The following KIF24 variants were observed in gnomAD, a reference collection of about 807,000 sequenced individuals.
KIF24 encodes the protein kinesin family member 24, also known as kinesin-like protein KIF24.
Under a neutral mutation model 118.9 loss-of-function variants are expected in KIF24, and 81 were observed. That is an observed-to-expected ratio of 0.68 (90% CI 0.57 to 0.82). The LOEUF (loss-of-function observed/expected upper bound fraction) is 0.82, where lower values mean the gene tolerates loss of function less well. Ranked by LOEUF, KIF24 falls within the 40% of genes least tolerant of loss-of-function variation. KIF24 has a pLI of 0.00. For synonymous variants in KIF24, 599 were observed against 610.0 expected (o/e 0.98, Z 0.27); for missense variants, 1,560 against 1,661.6 (o/e 0.94, Z 1.06).
chr9:34,293,171 C>A (rs1836319903), intron 4 of KIF24, among the ~76,000 whole-genome samples: 1 of 152,038 alleles, frequency 6.6e-6, no homozygotes, highest in Non-Finnish European at 1.5e-5. Context: ...ATGAAGATAT[C>A]CAAATGGTCA....
chr9:34,288,848 CCACACACACACA>C (rs10537521), intron 5 of KIF24, among the ~76,000 whole-genome samples: 21,168 of 138,916 alleles, frequency 0.15, 1,834 homozygotes, highest in South Asian at 0.25. Flanking sequence ...CCCAAATAAA[CCACACACACACA>C]CACACACACA....
chr9:34,283,188 G>C (rs753447841), intron 6 of KIF24, among the ~76,000 whole-genome samples: 2 of 151,664 alleles, frequency 1.3e-5, no homozygotes, highest in African/African-American at 2.4e-5. Flanking sequence ...GCAACATGGT[G>C]AAACCCCATC....
In KIF24 at chr9:34,263,612, G is replaced by A. The variant is rs190060023; in HGVS notation, c.1444-440C>T. Among the ~76,000 whole-genome samples the A allele has an allele frequency of 2.2e-4, 33 of 152,240 alleles. 1 individual carries two copies. The South Asian group carries it at 3.5e-3, about 16-fold the overall frequency. ...TGCTCACACATGCACACCCGTTGGC[G>A]TAGAGTCAAGCATAGATTCAGATAT... On this transcript the variant is annotated intron_variant, in intron 8 of 12. Transcript: ENST00000402558.
Position 34,269,309 on chromosome 9 carries a change from G to C in KIF24, c.1391C>G (p.Ser464Ter). 2.5e-6 allele frequency: 4 copies of C among 1,612,136 alleles called. No individual in the cohort carries two copies. Among genetic ancestry groups the C allele is most frequent in the Non-Finnish European group, 3.4e-6 (4 of 1,178,638 alleles). ...ACCTTCCATCTTTGTCTGTCTATCT[G>C]AGTCCCTTGCATCTGCTGCTCTTTC... ...GSERAADARD[S>*]DRQTKMEGAE... The change falls in exon 8 of 13, where the codon TCA becomes TGA. Residue 464 changes from serine (S) to a stop codon, truncating the protein, a stop_gained. Transcript: ENST00000402558. LOFTEE classifies it high-confidence loss of function.
chr9:34,303,824 G>C (rs1042096071), intron 3 of KIF24, among the ~76,000 whole-genome samples: 1 of 152,198 alleles, frequency 6.6e-6, no homozygotes, highest in Non-Finnish European at 1.5e-5. Flanking sequence ...ACTCCAGCCT[G>C]GGCGATGGAG....
chr9:34,297,631 G>A (rs1587951357), intron 3 of KIF24, among the ~76,000 whole-genome samples: 2 of 152,100 alleles, frequency 1.3e-5, no homozygotes, highest in Middle Eastern at 6.8e-3. Context: ...GCATGGTGGT[G>A]GGCACTTGTA....
chr9:34,266,416 T>C (rs1034791923), intron 8 of KIF24, among the ~76,000 whole-genome samples: 2 of 152,084 alleles, frequency 1.3e-5, no homozygotes, highest in Non-Finnish European at 2.9e-5. Context: ...CGGTGGCTCA[T>C]GCCTGTAATC....
At chr9:34,275,511 C>G (rs7870075) in intron 6 of KIF24, among the ~76,000 whole-genome samples, 113,639 of 151,804 alleles carry the variant, frequency 0.75, 43,217 homozygotes, top group East Asian at 0.95. Context: ...GACCAGCCTG[C>G]GCAACAAAGC....
At chr9:34,270,537 GA>G (rs892695147) in intron 7 of KIF24, among the ~76,000 whole-genome samples, 4 of 147,954 alleles carry the variant, frequency 2.7e-5, no homozygotes, top group Admixed American at 2.7e-4. Context: ...AAAAAGAAAA[GA>G]AAAAAAATTG....
intron 7 of KIF24, among the ~76,000 whole-genome samples, chr9:34,271,084 A>G (rs1434392623): frequency 6.6e-6 from 1 of 152,068 alleles, no homozygotes; most frequent in Non-Finnish European, 1.5e-5. Flanking sequence ...GACAGAGTGA[A>G]GCCCTATCTT....
At chr9:34,324,822 C>T (rs1044477110) in intron 1 of KIF24, among the ~76,000 whole-genome samples, 2 of 152,152 alleles carry the variant, frequency 1.3e-5, no homozygotes, top group Non-Finnish European at 2.9e-5. Flanking sequence ...TGGCCTCCTC[C>T]ACTATCATCA....
intron 3 of KIF24, among the ~76,000 whole-genome samples, chr9:34,298,824 AG>A (rs1454831280): frequency 6.6e-6 from 1 of 152,190 alleles, no homozygotes; most frequent in African/African-American, 2.4e-5. Context: ...ATGGAAATAA[AG>A]AGATGGATAC....
chr9:34,311,349 T>G lies in KIF24; in HGVS notation c.-3A>C. On this transcript the variant is annotated 5_prime_UTR_variant, in exon 2 of 13. Coordinates refer to ENST00000402558, the MANE Select transcript of KIF24 (RefSeq NM_194313.4). The stretch of plus-strand genomic sequence containing the variant: ...CATTCATATAACCAGGATGCCATTT[T>G]GGTGAATAGGTTTCTATAAACTCTG... 6.4e-7 allele frequency: 1 copy of G among 1,552,420 alleles called. No individual in the cohort carries two copies. Among genetic ancestry groups the G allele is most frequent in the Non-Finnish European group, 8.7e-7 (1 of 1,149,730 alleles).
At chr9:34,303,717 C>T (rs1325444232) in intron 3 of KIF24, among the ~76,000 whole-genome samples, 1 of 152,126 alleles carries the variant, frequency 6.6e-6, no homozygotes. Context: ...GGCGTGGTGG[C>T]ATGTACCTGT....
At chr9:34,272,164 C>T (rs530030216) in intron 6 of KIF24, among the ~76,000 whole-genome samples, 26 of 152,306 alleles carry the variant, frequency 1.7e-4, no homozygotes, top group African/African-American at 6.3e-4. Context: ...AGCTCAAGAG[C>T]TAATTTACTT....
Position 34,257,925 on chromosome 9 carries a change from CG to C in KIF24, c.1681del (p.Arg561GlyfsTer51), listed in dbSNP as rs752821561. 3 of 1,613,846 alleles carry C rather than the reference CG, an allele frequency of 1.9e-6. No homozygotes were observed. The Admixed American group carries it at 5.0e-5, about 27-fold the overall frequency. ...TTTTGGAGAGGAGTTTCCAGATGTCCGATTTCGACTGGTAACTGAAGTGCAA... is the reference window on the plus strand; with the variant it reads ...TTTTGGAGAGGAGTTTCCAGATGTCCATTTCGACTGGTAACTGAAGTGCAA... ...KCCTSVTSRNRTSGNSSPKRI... is the reference protein window; with the variant it reads ...KCCTSVTSRNXTSGNSSPKRI... On this transcript the variant is annotated frameshift_variant, in exon 11 of 13. Coordinates refer to ENST00000402558, the MANE Select transcript of KIF24 (RefSeq NM_194313.4). LOFTEE classifies it high-confidence loss of function.
chr9:34,311,319 A>G lies in KIF24; in HGVS notation c.28T>C (p.Cys10Arg), dbSNP rs771597033. MASWLYECL[C>R]EAELAQYYSH... ...TAATACTGTGCAAGTTCAGCTTCAC[A>G]AAGACATTCATATAACCAGGATGCC... The change falls in exon 2 of 13, where the codon TGT becomes CGT. Residue 10 changes from cysteine (C) to arginine (R), a missense_variant. By Grantham distance (180) the Cys-to-Arg change is radical (BLOSUM62 -3). Coordinates refer to ENST00000402558, the MANE Select transcript of KIF24 (RefSeq NM_194313.4). 81 of 1,585,708 alleles carry G rather than the reference A, an allele frequency of 5.1e-5. 1 individual carries two copies. In the East Asian group the frequency reaches 1.1e-3, roughly 21 times the overall value.
At chr9:34,300,129 AAAGT>A (rs1283961850) in intron 3 of KIF24, among the ~76,000 whole-genome samples, 1 of 152,224 alleles carries the variant, frequency 6.6e-6, no homozygotes, top group East Asian at 1.9e-4. Flanking sequence ...GTCTAAGAAG[AAAGT>A]GAGAACACAA....
intron 2 of KIF24, 91 bp from the exon 3 acceptor site, chr9:34,306,532 G>A (rs1836926759): frequency 2.3e-6 from 2 of 875,202 alleles, no homozygotes; most frequent in African/African-American, 3.4e-5. Context: ...GCCGGGCGCG[G>A]TGGCTTACGC....
Sources: allele counts gnomAD v4.1 joint callset (sites outside exome capture counted in the v4.1 genomes callset), GRCh38; gene constraint gnomAD v4.1.1; transcripts MANE v1.5; gene names NCBI Gene and HGNC (gene_info 2026-07-23, HGNC 2026-07-21).